The following AGO4 variants were observed in gnomAD, a reference collection of about 807,000 sequenced individuals.
AGO4 encodes argonaute RISC component 4.
A neutral mutation model predicts 104.7 loss-of-function variants in AGO4; 33 were observed. The ratio of observed to expected loss-of-function variants is 0.32; its 90% CI spans 0.24 to 0.42. The LOEUF (loss-of-function observed/expected upper bound fraction) is 0.42. AGO4 is among the 10% of genes least tolerant of loss of function. AGO4 has a pLI of 1.00. For missense variants in AGO4, 711 were observed against 1,083.4 expected (o/e 0.66, Z 4.83); for synonymous variants, 331 against 364.7 (o/e 0.91, Z 1.05).
chr1:35,816,785 C>T (rs187973731), intron 1 of AGO4, 97 bp from the exon 2 acceptor site: 45 of 1,329,262 alleles, frequency 3.4e-5, no homozygotes, highest in African/African-American at 2.3e-4. Context: ...GGTGAAAGAG[C>T]GAAACTCTGT....
intron 2 of AGO4, among the ~76,000 whole-genome samples, chr1:35,820,429 C>G (rs1643867928): frequency 1.3e-5 from 2 of 152,080 alleles, no homozygotes; most frequent in Admixed American, 6.6e-5. Flanking sequence ...GCGATCTTGG[C>G]TCACTGAAAC....
intron 11 of AGO4, among the ~76,000 whole-genome samples, chr1:35,833,005 G>T (rs926506310): frequency 6.6e-6 from 1 of 152,168 alleles, no homozygotes; most frequent in East Asian, 1.9e-4. Flanking sequence ...TAGTGGCCAG[G>T]CTCAGTGGCT....
intron 1 of AGO4, among the ~76,000 whole-genome samples, chr1:35,815,468 A>G (rs1643661521): frequency 6.6e-6 from 1 of 152,082 alleles, no homozygotes; most frequent in Non-Finnish European, 1.5e-5. Flanking sequence ...AGAGAGAGAG[A>G]GTTCTGTGGG....
chr1:35,849,801 C>G (rs1644658736), intron 15 of AGO4, among the ~76,000 whole-genome samples: 1 of 151,184 alleles, frequency 6.6e-6, no homozygotes, highest in Non-Finnish European at 1.5e-5. Context: ...AGGAATAAAA[C>G]TTTTTTTCTC....
chr1:35,854,265 C>T lies in AGO4; in HGVS notation c.*660C>T, dbSNP rs1644772394. 6.6e-6 allele frequency: 1 copy of T among 152,616 alleles called. No homozygotes were observed. The highest frequency in any genetic ancestry group is 2.4e-5 in the African/African-American group (1 of 41,444). 9.5% of individuals were successfully genotyped at this position (152,616 alleles called of 1,614,324 possible). On this transcript the variant is annotated 3_prime_UTR_variant, in exon 18 of 18. Coordinates refer to ENST00000373210, the MANE Select transcript of AGO4 (RefSeq NM_017629.4). ...GCTGCAGATTCAAATAGGCAGTTCTCTTATTTGGTCGACTTTTGTGAATGT... is the reference window on the plus strand; with the variant it reads ...GCTGCAGATTCAAATAGGCAGTTCTTTTATTTGGTCGACTTTTGTGAATGT...
chr1:35,827,790 C>CTTTTTTTTTTTTTTTTTT (rs142432459), intron 7 of AGO4, among the ~76,000 whole-genome samples: 2 of 103,850 alleles, frequency 1.9e-5, no homozygotes, highest in Non-Finnish European at 3.8e-5. Context: ...TGTTGTTATT[C>CTTTTTTTTTTTTTTTTTT]TTTTTTTTTT....
Position 35,841,827 on chromosome 1 carries a change from TA to T in AGO4, c.2175+78del. ...ATATATGCACATATATATATATATA[TA>T]TATATATATACACCATTTTTATACA... is the stretch of plus-strand genomic sequence containing the variant. On this transcript the variant is annotated intron_variant, in intron 15 of 17. Transcript: ENST00000373210. This position sits in a 1 kb window ranked among gnomAD's most constrained non-coding sequence, Gnocchi z 4.7. 1.2e-6 allele frequency: 1 copy of T among 839,716 alleles called. No individual in the cohort carries two copies. The highest frequency in any genetic ancestry group is 1.6e-6 in the Non-Finnish European group (1 of 632,740). The allele number at this position is 839,716 out of a possible 1,614,324, so 52.0% of individuals were successfully genotyped here.
rs67520708 is a variant in AGO4 at position 35,855,652 on chromosome 1, CT to C, written c.*2065del. On this transcript the variant is annotated 3_prime_UTR_variant, in exon 18 of 18. Coordinates refer to ENST00000373210, the MANE Select transcript of AGO4 (RefSeq NM_017629.4). ...CAGATGTTAATTTCTTAAAATTTTC[CT>C]TTTTTTTTTTTTTTTTTGCAAATAC... is the stretch of plus-strand genomic sequence containing the variant. The C allele has an allele frequency of 0.17, 21,421 of 126,110 alleles. 1,544 individuals carry two copies. Among genetic ancestry groups the C allele is most frequent in the African/African-American group, 0.31 (10,680 of 33,976 alleles). The allele number at this position is 126,110 out of a possible 1,614,324, so 7.8% of individuals were successfully genotyped here.
chr1:35,830,373 C>G (rs1009586029), intron 7 of AGO4, among the ~76,000 whole-genome samples: 1 of 152,076 alleles, frequency 6.6e-6, no homozygotes, highest in Non-Finnish European at 1.5e-5. Flanking sequence ...CTATGCTACA[C>G]TCATTTTACA....
chr1:35,850,408 G>GT, intron 16 of AGO4, 150 bp downstream of exon 16: 1 of 719,096 alleles, frequency 1.4e-6, no homozygotes. Flanking sequence ...GTATCTGCTT[G>GT]TAGGTGTGCT....
At chr1:35,847,188 C>A (rs994173182) in intron 15 of AGO4, among the ~76,000 whole-genome samples, 1 of 151,068 alleles carries the variant, frequency 6.6e-6, no homozygotes, top group Non-Finnish European at 1.5e-5. Context: ...AAAAAAATCA[C>A]AAACAAATCT....
chr1:35,851,450 C>T (rs1295718550), intron 17 of AGO4, among the ~76,000 whole-genome samples: 3 of 152,164 alleles, frequency 2.0e-5, no homozygotes, highest in African/African-American at 7.2e-5. Context: ...GCTTTTGGTA[C>T]ATTCTGGAAA....
At chr1:35,852,134 A>G (rs1644716340) in intron 17 of AGO4, among the ~76,000 whole-genome samples, 1 of 152,206 alleles carries the variant, frequency 6.6e-6, no homozygotes, top group South Asian at 2.1e-4. Flanking sequence ...CTTTGGCTGG[A>G]GGATATTAAA....
Position 35,844,662 on chromosome 1 carries a change from C to T in AGO4, c.2175+2912C>T, listed in dbSNP as rs551994644. On this transcript the variant is annotated intron_variant, in intron 15 of 17. Transcript: ENST00000373210. ...TCCACCTATGCTTTCCTGCCCCCAT[C>T]CTGTGCTTTCAATCCTAATCCCTCC... Among the ~76,000 whole-genome samples, 4 of 152,280 alleles carry T rather than the reference C, an allele frequency of 2.6e-5. No individual in the cohort carries two copies. The South Asian group carries it at 6.2e-4, about 24-fold the overall frequency.
chr1:35,818,758 T>G (rs1643813133), intron 2 of AGO4, among the ~76,000 whole-genome samples: 2 of 144,010 alleles, frequency 1.4e-5, no homozygotes, highest in Admixed American at 6.9e-5. Context: ...TGGGGGAGAG[T>G]GATAGGAGAT....
In AGO4 at chr1:35,834,029, A is replaced by G. The variant is rs1644247299; in HGVS notation, c.1419A>G (p.Ala473=). The part of the protein sequence containing the change: ...TDQLRKISKD[A]GMPIQGQPCF... ...AGCTGCGTAAAATCTCTAAGGATGCAGGAATGCCCATCCAGGGTCAGCCAT... is the reference window on the plus strand; with the variant it reads ...AGCTGCGTAAAATCTCTAAGGATGCGGGAATGCCCATCCAGGGTCAGCCAT... Residue 473 remains alanine (A), a synonymous_variant, in exon 12 of 18, where the codon GCA becomes GCG. Coordinates refer to ENST00000373210, the MANE Select transcript of AGO4 (RefSeq NM_017629.4). The G allele has an allele frequency of 9.4e-6, 15 of 1,600,456 alleles. No homozygotes were observed. In the East Asian group the frequency reaches 3.2e-4, roughly 34 times the overall value.
In AGO4 at chr1:35,831,489, A is replaced by T. The variant is rs200766835; in HGVS notation, c.911A>T (p.Gln304Leu). The change falls in exon 8 of 18, where the codon CAA becomes CTA. Residue 304 changes from glutamine to leucine, a missense_variant. By Grantham distance (113) the Gln-to-Leu change is moderately radical. Around this residue, in one of 3 missense-constraint regions of AGO4, gnomAD observed 308 missense variants for 397.8 expected, o/e 0.77. Transcript: ENST00000373210. ...TGTACAGTAGCTCAATATTTTAAGC[A>T]AAAGTATAGTCTGCAACTGAAATAC... ...MECTVAQYFK[Q>L]KYSLQLKYPH... The T allele has an allele frequency of 1.1e-4, 174 of 1,614,184 alleles. 1 individual carries two copies. The highest frequency in any genetic ancestry group is 8.5e-6 in the Non-Finnish European group (10 of 1,180,016).
chr1:35,824,057 CAG>C (rs1643950914), intron 3 of AGO4, among the ~76,000 whole-genome samples: 1 of 152,146 alleles, frequency 6.6e-6, no homozygotes, highest in South Asian at 2.1e-4. Flanking sequence ...ATCTGAACAA[CAG>C]AGTTTTATAA....
In AGO4 at chr1:35,832,438, A is replaced by G. The variant is rs781120316; in HGVS notation, c.1247A>G (p.Asn416Ser). The change falls in exon 11 of 18, where the codon AAT becomes AGT. Residue 416 changes from asparagine (N) to serine (S), a missense_variant and splice_region_variant. Coordinates refer to ENST00000373210, the MANE Select transcript of AGO4 (RefSeq NM_017629.4). ...PAPMLQYGGR[N>S]KTVATPNQGV... ...TTCTTCTTTTTTTTTTTTTCAAAGA[A>G]TAAAACAGTAGCCACACCCAACCAG... is the stretch of plus-strand genomic sequence containing the variant. 2 of 1,576,426 alleles carry G rather than the reference A, an allele frequency of 1.3e-6. No homozygotes were observed. Among genetic ancestry groups the G allele is most frequent in the East Asian group, 4.5e-5 (2 of 44,664 alleles).
Sources: allele counts gnomAD v4.1 joint callset (sites outside exome capture counted in the v4.1 genomes callset), GRCh38; gene constraint gnomAD v4.1.1; regional missense constraint gnomAD v4.1.1; non-coding constraint Gnocchi (gnomAD v3.1); transcripts MANE v1.5; gene names NCBI Gene and HGNC (gene_info 2026-07-23, HGNC 2026-07-21).